The following WDR62 variants were observed in gnomAD, a reference collection of about 807,000 sequenced individuals.
The protein encoded by WDR62 is WD repeat domain 62, also known as WD repeat-containing protein 62.
WDR62 carries 112 observed loss-of-function variants against 160.6 expected under a neutral mutation model. The ratio of observed to expected loss-of-function variants is 0.70; its 90% CI spans 0.60 to 0.82. The LOEUF (loss-of-function observed/expected upper bound fraction) is 0.82, where lower values mean the gene tolerates loss of function less well. WDR62 is among the 40% of genes least tolerant of loss of function. WDR62 has a pLI of 0.00. For missense variants in WDR62, 1,819 were observed against 1,983.8 expected (o/e 0.92, Z 1.58); for synonymous variants, 792 against 815.1 (o/e 0.97, Z 0.48).
chr19:36,086,365 C>T (rs558206115), intron 12 of WDR62, among the ~76,000 whole-genome samples: 7 of 152,140 alleles, frequency 4.6e-5, no homozygotes, highest in South Asian at 4.1e-4. Flanking sequence ...GGGCTTTACC[C>T]AGCACAGACC....
At chr19:36,070,127 A>G (rs1971216006) in intron 7 of WDR62, 1 of 151,562 alleles carries the variant, frequency 6.6e-6, no homozygotes, top group Admixed American at 6.6e-5. Context: ...ACTACACAAA[A>G]TACATAAACT....
chr19:36,092,731 C>T lies in WDR62; in HGVS notation c.2253C>T (p.Cys751=). Residue 751 remains cysteine, a synonymous_variant, in exon 19 of 32, where the codon TGC becomes TGT. Coordinates refer to ENST00000401500, the MANE Select transcript of WDR62 (RefSeq NM_001083961.2). Reference sequence around the variant, plus strand: ...ACCTGGGCCCGGAGATCACCAACTGCATGAAGCAGCACTTGCTGGAGATTG... The same window carrying T: ...ACCTGGGCCCGGAGATCACCAACTGTATGAAGCAGCACTTGCTGGAGATTG... ...IWHLGPEITN[C]MKQHLLEIDH... 1 of 1,614,194 alleles carries T rather than the reference C, an allele frequency of 6.2e-7. No individual in the cohort carries two copies. Among genetic ancestry groups the T allele is most frequent in the East Asian group, 2.2e-5 (1 of 44,888 alleles).
chr19:36,105,006 G>A lies in WDR62; in HGVS notation c.4550G>A (p.Arg1517Gln), dbSNP rs201351354. 29 of 1,601,008 alleles carry A rather than the reference G, an allele frequency of 1.8e-5. No individual in the cohort carries two copies. Among genetic ancestry groups the A allele is most frequent in the Admixed American group, 3.4e-5 (2 of 59,248 alleles). Residue 1517 changes from arginine (R) to glutamine (Q), a missense_variant, in exon 32 of 32, where the codon CGG becomes CAG. Physicochemically the swap from Arg to Gln is conservative, Grantham distance 43. Around this residue, in one of 3 missense-constraint regions of WDR62, gnomAD observed 770 missense variants for 734.2 expected, o/e 1.05. Coordinates refer to ENST00000401500, the MANE Select transcript of WDR62 (RefSeq NM_001083961.2). ...TCGGAGCTGCTGGTGCAGGCCGTGC[G>A]GAGGAAGGCACGGGGGCACTGAGGG... Reference protein sequence around the residue: ...HYSELLVQAVRRKARGH With the variant: ...HYSELLVQAVQRKARGH
chr19:36,070,861 C>T (rs1237196255), intron 7 of WDR62: 3 of 152,548 alleles, frequency 2.0e-5, no homozygotes, highest in Non-Finnish European at 1.5e-5. Flanking sequence ...TTTTTCTGTA[C>T]CGCTTTGGAG....
At chr19:36,060,059 G>A (rs1970566808) in intron 3 of WDR62, 29 bp downstream of exon 3, 1 of 1,612,552 alleles carries the variant, frequency 6.2e-7, no homozygotes, top group South Asian at 1.1e-5. Context: ...CCGGGGCAGG[G>A]GTGGAACCAG....
chr19:36,067,763 A>G (rs573689894), intron 6 of WDR62, 65 bp from the exon 7 acceptor site: 3 of 1,562,910 alleles, frequency 1.9e-6, no homozygotes, highest in East Asian at 2.2e-5. Context: ...GTTGTGTCCT[A>G]TCATCTGGTC....
chr19:36,091,411 C>T lies in WDR62; in HGVS notation c.2156C>T (p.Thr719Ile), dbSNP rs1449701952. The change falls in exon 18 of 32, where the codon ACC (threonine) becomes ATC (isoleucine). Residue 719 changes from threonine (T) to isoleucine (I), a missense_variant. Physicochemically the swap from Thr to Ile is moderately conservative, Grantham distance 89. Transcript: ENST00000401500. The part of the protein sequence containing the change: ...AKMFGHSEII[T>I]SMKFTYDCHH... ...TCTGCTTTGTTTGCAGAAATTATTA[C>T]CAGCATGAAGTTCACCTATGACTGT... 4 of 1,411,812 alleles carry T rather than the reference C, an allele frequency of 2.8e-6. No individual in the cohort carries two copies. The highest frequency in any genetic ancestry group is 3.8e-6 in the Non-Finnish European group (4 of 1,051,974). 87.5% of individuals were successfully genotyped at this position (1,411,812 alleles called of 1,614,324 possible).
At position 36,083,373 on chromosome 19, in the gene WDR62, C is replaced by T. The variant is rs950920288; in HGVS notation, c.1550+132C>T. On this transcript the variant is annotated intron_variant, in intron 11 of 31. Coordinates refer to ENST00000401500, the MANE Select transcript of WDR62 (RefSeq NM_001083961.2). Reference sequence around the variant, plus strand: ...AATGAGGGGCTGTGAATAGTAATCCCATGAACAGCTCCCATTGGGAACTTA... The same window carrying T: ...AATGAGGGGCTGTGAATAGTAATCCTATGAACAGCTCCCATTGGGAACTTA... 7.5e-6 allele frequency: 7 copies of T among 938,140 alleles called. No individual in the cohort carries two copies. In the Admixed American group the frequency reaches 1.0e-4, roughly 13 times the overall value. The allele number at this position is 938,140 out of a possible 1,614,324, so 58.1% of individuals were successfully genotyped here.
chr19:36,097,368 A>G (rs1973036633), intron 21 of WDR62, among the ~76,000 whole-genome samples: 1 of 152,216 alleles, frequency 6.6e-6, no homozygotes, highest in African/African-American at 2.4e-5. Flanking sequence ...TAAGTAAATG[A>G]CGTAGTAGGT....
At chr19:36,081,405 C>G (rs1276619740) in intron 9 of WDR62, 28 bp from the exon 10 acceptor site, 2 of 1,612,096 alleles carry the variant, frequency 1.2e-6, no homozygotes, top group East Asian at 4.5e-5. Context: ...ATTGAGTCAT[C>G]CTTTGCCTTG....
chr19:36,083,443 C>G (rs1474081161), intron 11 of WDR62, among the ~76,000 whole-genome samples: 1 of 152,190 alleles, frequency 6.6e-6, no homozygotes, highest in Non-Finnish European at 1.5e-5. Context: ...GAGTAACTAC[C>G]AGGACCTCAG....
At position 36,091,428 on chromosome 19, in the gene WDR62, T is replaced by TTGACAGTC; in HGVS notation, c.2173_2174insTGACAGTC (p.Tyr725LeufsTer9). 6.5e-7 allele frequency: 1 copy of TTGACAGTC among 1,532,618 alleles called. No homozygotes were observed. The highest frequency in any genetic ancestry group is 8.9e-7 in the Non-Finnish European group (1 of 1,128,448). 94.9% of individuals were successfully genotyped at this position (1,532,618 alleles called of 1,614,324 possible). ...AATTATTACCAGCATGAAGTTCACC[T>TTGACAGTC]ATGACTGTCATCACTTGATCACAGT... On this transcript the variant is annotated frameshift_variant, in exon 18 of 32. Transcript: ENST00000401500. LOFTEE classifies it high-confidence loss of function.
At chr19:36,061,448 A>G (rs985072496) in intron 3 of WDR62, 1 of 152,268 alleles carries the variant, frequency 6.6e-6, no homozygotes, top group East Asian at 1.9e-4. Flanking sequence ...TAAGTGGACA[A>G]CATTTCAAGT....
intron 9 of WDR62, among the ~76,000 whole-genome samples, chr19:36,076,206 T>C (rs576025005): frequency 6.6e-6 from 1 of 152,222 alleles, no homozygotes; most frequent in East Asian, 1.9e-4. Context: ...TGTTCCAGTC[T>C]CATCTTGTAC....
intron 10 of WDR62, 103 bp from the exon 11 acceptor site, chr19:36,082,960 T>C (rs1971987593): frequency 1.0e-6 from 1 of 1,003,532 alleles, no homozygotes; most frequent in Non-Finnish European, 1.5e-6. Flanking sequence ...AGCTCAAAAT[T>C]AGAGTTGTAT....
In WDR62 at chr19:36,084,175, A is replaced by G. The variant is rs144185939; in HGVS notation, c.1551-478A>G. On this transcript the variant is annotated intron_variant, in intron 11 of 31. Transcript: ENST00000401500. ...GTCTGGAGTAAGATCACACGGGTAGAATGAAGAAGCTGGGATGACTCGATG... is the reference window on the plus strand; with the variant it reads ...GTCTGGAGTAAGATCACACGGGTAGGATGAAGAAGCTGGGATGACTCGATG... Among the ~76,000 whole-genome samples the G allele has an allele frequency of 9.8e-4, 149 of 152,272 alleles. 1 individual carries two copies. The highest frequency in any genetic ancestry group is 3.6e-3 in the African/African-American group (148 of 41,534).
rs1255067455 is a variant in WDR62 at position 36,054,927 on chromosome 19, A to C, written c.-45A>C. ...TCCAGTGGGTCGTGGCGGTGGCGGC[A>C]GCGGCGGTTAGGGGATGTAACGGTC... On this transcript the variant is annotated 5_prime_UTR_variant, in exon 1 of 32. Transcript: ENST00000401500. 6.4e-7 allele frequency: 1 copy of C among 1,550,708 alleles called. No individual in the cohort carries two copies. Among genetic ancestry groups the C allele is most frequent in the Admixed American group, 1.9e-5 (1 of 51,972 alleles).
chr19:36,107,010 C>T (rs890729862), downstream of WDR62, among the ~76,000 whole-genome samples: 1 of 152,124 alleles, frequency 6.6e-6, no homozygotes, highest in Non-Finnish European at 1.5e-5. Context: ...CCCCAGGCCT[C>T]GGACACCCAG....
chr19:36,074,559 CA>C (rs1971476360), intron 9 of WDR62, among the ~76,000 whole-genome samples: 1 of 152,054 alleles, frequency 6.6e-6, no homozygotes, highest in African/African-American at 2.4e-5. Flanking sequence ...GGGGCTGCGG[CA>C]GGGGGGCTGA....
Sources: gnomAD v4.1 joint callset for allele counts (sites outside exome capture counted in the v4.1 genomes callset) on GRCh38, gnomAD v4.1.1 for gene constraint, gnomAD v4.1.1 regional missense constraint, MANE v1.5 for transcripts, NCBI Gene and HGNC (gene_info 2026-07-23, HGNC 2026-07-21) for gene names.